The following JAM3 variants were observed in gnomAD, a reference collection of about 807,000 sequenced individuals.
JAM3 encodes junctional adhesion molecule 3.
In JAM3, 31 loss-of-function variants were observed where a neutral mutation model predicts 39.4. The ratio of observed to expected loss-of-function variants is 0.79; its 90% CI spans 0.59 to 1.06. JAM3 has a LOEUF of 1.06. Among genes scored for constraint, JAM3 ranks in the 50% least tolerant of loss-of-function variants. The probability of loss-of-function intolerance (pLI) is 0.00; values close to 1 mark genes in which losing one functional copy is unlikely to be tolerated. For missense variants in JAM3, 455 were observed against 391.4 expected (o/e 1.16, Z -1.37); for synonymous variants, 182 against 148.7 (o/e 1.22, Z -1.63).
chr11:134,144,112 G>C (rs926215476), intron 3 of JAM3, 129 bp from the exon 4 acceptor site: 29 of 871,802 alleles, frequency 3.3e-5, no homozygotes, highest in Middle Eastern at 2.3e-4. Flanking sequence ...CTGTACTCGG[G>C]AATAGAAATA....
chr11:134,132,761 C>A (rs1485429396), intron 1 of JAM3, among the ~76,000 whole-genome samples: 1 of 152,138 alleles, frequency 6.6e-6, no homozygotes, highest in Non-Finnish European at 1.5e-5. Context: ...CCAGGGAGGA[C>A]CCCTGGAGAT....
At chr11:134,117,243 G>C (rs915290564) in intron 1 of JAM3, among the ~76,000 whole-genome samples, 1 of 152,088 alleles carries the variant, frequency 6.6e-6, no homozygotes, top group Non-Finnish European at 1.5e-5. Flanking sequence ...CGGGGATGGT[G>C]GTGGGCACCT....
chr11:134,148,609 A>T lies in JAM3; in HGVS notation c.775A>T (p.Ile259Phe). The T allele has an allele frequency of 6.2e-7, 1 of 1,614,158 alleles. No individual in the cohort carries two copies. The highest frequency in any genetic ancestry group is 8.5e-7 in the Non-Finnish European group (1 of 1,180,018). Residue 259 changes from isoleucine to phenylalanine, a missense_variant, in exon 7 of 9, where the codon ATC becomes TTC. Ile to Phe is a conservative substitution (Grantham distance 21, BLOSUM62 0). Transcript: ENST00000299106. ...VLVVLAVLAL[I>F]TLGICCAYRR... ...GGTTGTCCTTGCTGTACTGGCCCTG[A>T]TCACGTTGGGCATCTGCTGTGCATA...
intron 1 of JAM3, among the ~76,000 whole-genome samples, chr11:134,121,995 G>C (rs973809621): frequency 2.0e-5 from 3 of 152,142 alleles, no homozygotes; most frequent in Admixed American, 2.0e-4. Flanking sequence ...GGAATCTGTT[G>C]TTGTGTTTTG....
intron 1 of JAM3, among the ~76,000 whole-genome samples, chr11:134,098,208 G>C (rs1346667464): frequency 6.6e-6 from 1 of 152,168 alleles, no homozygotes; most frequent in Non-Finnish European, 1.5e-5. Context: ...TATGTATATA[G>C]CTCACCTATA....
intron 1 of JAM3, among the ~76,000 whole-genome samples, chr11:134,092,381 G>A (rs1428581108): frequency 1.4e-5 from 1 of 69,366 alleles, no homozygotes; most frequent in Non-Finnish European, 2.8e-5. Context: ...CTTCCTGAGG[G>A]AAGCTTCTCC....
intron 1 of JAM3, among the ~76,000 whole-genome samples, chr11:134,100,186 C>A (rs1454141566): frequency 6.6e-6 from 1 of 152,028 alleles, no homozygotes; most frequent in Non-Finnish European, 1.5e-5. Context: ...AAATAGTGGT[C>A]AGTTCCTATC....
intron 1 of JAM3, among the ~76,000 whole-genome samples, chr11:134,110,296 A>G (rs1942284824): frequency 6.6e-6 from 1 of 152,204 alleles, no homozygotes; most frequent in Non-Finnish European, 1.5e-5. Flanking sequence ...TTCAGTTATT[A>G]TACTCCCACA....
chr11:134,112,272 G>GA (rs1239997069), intron 1 of JAM3, among the ~76,000 whole-genome samples: 1 of 152,106 alleles, frequency 6.6e-6, no homozygotes, highest in African/African-American at 2.4e-5. Context: ...GTTTTTAGTA[G>GA]AGACGGGGTT....
intron 1 of JAM3, among the ~76,000 whole-genome samples, chr11:134,080,690 G>C (rs1010773834): frequency 1.3e-5 from 2 of 152,242 alleles, no homozygotes; most frequent in Middle Eastern, 3.4e-3. Flanking sequence ...GCCCAGTCTC[G>C]GGTATGTCTT....
At chr11:134,133,798 C>T (rs1418254931) in intron 1 of JAM3, among the ~76,000 whole-genome samples, 2 of 152,128 alleles carry the variant, frequency 1.3e-5, no homozygotes, top group African/African-American at 4.8e-5. Context: ...ACCACCACAA[C>T]ACTAAAGCCT....
intron 1 of JAM3, among the ~76,000 whole-genome samples, chr11:134,112,389 G>T (rs1418991723): frequency 6.6e-6 from 1 of 151,956 alleles, no homozygotes; most frequent in Non-Finnish European, 1.5e-5. Flanking sequence ...CACCCAGCCA[G>T]TCAATCAATT....
At chr11:134,121,215 A>G (rs951209727) in intron 1 of JAM3, among the ~76,000 whole-genome samples, 2 of 152,246 alleles carry the variant, frequency 1.3e-5, no homozygotes, top group Non-Finnish European at 2.9e-5. Context: ...AGTGATTGTC[A>G]TATAACTTGT....
At chr11:134,115,431 T>TC (rs1942409352) in intron 1 of JAM3, among the ~76,000 whole-genome samples, 1 of 152,030 alleles carries the variant, frequency 6.6e-6, no homozygotes, top group Non-Finnish European at 1.5e-5. Flanking sequence ...TCTTTGTTCT[T>TC]TTGTTCTTTT....
chr11:134,077,361 GC>G (rs1009417573), intron 1 of JAM3, among the ~76,000 whole-genome samples: 2 of 148,846 alleles, frequency 1.3e-5, no homozygotes, highest in African/African-American at 4.9e-5. Flanking sequence ...TGTCAAGGAT[GC>G]CTTTTTTTTT....
At chr11:134,092,577 CT>C (rs1221991650) in intron 1 of JAM3, among the ~76,000 whole-genome samples, 7 of 150,446 alleles carry the variant, frequency 4.7e-5, no homozygotes, top group African/African-American at 1.7e-4. Flanking sequence ...TTACATGTCA[CT>C]TCCTGAGGGA....
intron 4 of JAM3, among the ~76,000 whole-genome samples, 153 bp downstream of exon 4, chr11:134,144,546 G>T (rs1227407684): frequency 6.6e-6 from 1 of 152,166 alleles, no homozygotes; most frequent in East Asian, 1.9e-4. Context: ...CCTGAGTTGG[G>T]GTAGAAGGTG....
At chr11:134,125,717 G>T (rs1942635876) in intron 1 of JAM3, among the ~76,000 whole-genome samples, 1 of 152,196 alleles carries the variant, frequency 6.6e-6, no homozygotes, top group Non-Finnish European at 1.5e-5. Context: ...ATACTCAGGA[G>T]AATGTACAGC....
At chr11:134,071,229 G>C (rs1941480017) in intron 1 of JAM3, among the ~76,000 whole-genome samples, 1 of 152,140 alleles carries the variant, frequency 6.6e-6, no homozygotes, top group African/African-American at 2.4e-5. Flanking sequence ...ATTTAATCTT[G>C]ATAACTCTAA....
Sources: allele counts gnomAD v4.1 joint callset (sites outside exome capture counted in the v4.1 genomes callset), GRCh38; gene constraint gnomAD v4.1.1; transcripts MANE v1.5; gene names NCBI Gene and HGNC (gene_info 2026-07-23, HGNC 2026-07-21).